The following PKIB variants were observed in gnomAD, a reference collection of about 807,000 sequenced individuals.
PKIB encodes the protein PKI-beta.
A neutral mutation model predicts 4.5 loss-of-function variants in PKIB; 2 were observed. The observed-to-expected ratio is 0.44, with a 90% CI of 0.18 to 1.39. The LOEUF is 1.39. PKIB is among the 40% of genes most tolerant of loss of function. The pLI is 0.27. For missense variants in PKIB, 94 were observed against 92.6 expected (o/e 1.02, Z -0.06); for synonymous variants, 38 against 36.0 (o/e 1.06, Z -0.20).
intron 3 of PKIB, among the ~76,000 whole-genome samples, chr6:122,715,803 T>C (rs1779467947): frequency 6.6e-6 from 1 of 152,052 alleles, no homozygotes; most frequent in Non-Finnish European, 1.5e-5. Context: ...ATGTGCATTA[T>C]GGGGATTTGA....
intron 3 of PKIB, among the ~76,000 whole-genome samples, chr6:122,603,413 A>AT (rs1286286466): frequency 6.6e-6 from 1 of 152,220 alleles, no homozygotes; most frequent in East Asian, 1.9e-4. Flanking sequence ...CCAATCTTAG[A>AT]TTTTATGTAT....
At chr6:122,552,686 G>A (rs183793773) in intron 2 of PKIB, among the ~76,000 whole-genome samples, 23 of 152,248 alleles carry the variant, frequency 1.5e-4, no homozygotes, top group African/African-American at 5.5e-4. Context: ...CCCATCTCAG[G>A]CAGTTCTAAA....
chr6:122,571,014 T>G (rs1281859152), intron 2 of PKIB, among the ~76,000 whole-genome samples: 1 of 151,170 alleles, frequency 6.6e-6, no homozygotes, highest in African/African-American at 2.4e-5. Flanking sequence ...ATTCAGGATA[T>G]GAATGAAAAA....
At chr6:122,621,537 G>A (rs1775227932) in intron 1 of PKIB, among the ~76,000 whole-genome samples, 1 of 152,164 alleles carries the variant, frequency 6.6e-6, no homozygotes, top group East Asian at 1.9e-4. Context: ...TCTCTGTAGA[G>A]GTGATGCTAT....
rs201099864 is a variant in PKIB at position 122,475,785 on chromosome 6, C to CA, written c.-336-2058dup. ...TGGGTGACAGAGTGAGACTCTGTCT[C>CA]AAAAAAAACAAGTAAAAATAAATAA... is the stretch of plus-strand genomic sequence containing the variant. On this transcript the variant is annotated intron_variant, in intron 1 of 6. Transcript: ENST00000392491. Among the ~76,000 whole-genome samples, 7 of 150,602 alleles carry CA rather than the reference C, an allele frequency of 4.6e-5. No homozygotes were observed. The East Asian group carries it at 9.7e-4, about 21-fold the overall frequency.
intron 2 of PKIB, among the ~76,000 whole-genome samples, chr6:122,651,973 T>C (rs1776572329): frequency 6.6e-6 from 1 of 152,138 alleles, no homozygotes; most frequent in Admixed American, 6.6e-5. Flanking sequence ...GTGGTGATAT[T>C]TGTGTTTCTC....
At chr6:122,617,901 T>C (rs1318655252) in intron 1 of PKIB, among the ~76,000 whole-genome samples, 1 of 152,178 alleles carries the variant, frequency 6.6e-6, no homozygotes, top group Admixed American at 6.5e-5. Flanking sequence ...TTTGTAAGGA[T>C]GTTTTTTACA....
intron 2 of PKIB, among the ~76,000 whole-genome samples, chr6:122,639,440 A>G (rs1776045403): frequency 6.6e-6 from 1 of 152,170 alleles, no homozygotes; most frequent in African/African-American, 2.4e-5. Context: ...TCATTCCGTA[A>G]GTGTTCTTTG....
chr6:122,719,246 GGA>G (rs923855869), intron 4 of PKIB, among the ~76,000 whole-genome samples: 1 of 152,054 alleles, frequency 6.6e-6, no homozygotes, highest in African/African-American at 2.4e-5. Flanking sequence ...ATACACTGTG[GGA>G]GAGTCAGCAG....
At chr6:122,722,464 A>G (rs1309166590) in intron 4 of PKIB, among the ~76,000 whole-genome samples, 1 of 152,198 alleles carries the variant, frequency 6.6e-6, no homozygotes. Context: ...AGGGGACTTC[A>G]TATCATCTTC....
chr6:122,642,094 A>G (rs1456368644), intron 2 of PKIB, among the ~76,000 whole-genome samples: 3 of 152,242 alleles, frequency 2.0e-5, no homozygotes, highest in African/African-American at 7.2e-5. Context: ...ACGGAAATAC[A>G]TAGCTATAGT....
intron 2 of PKIB, among the ~76,000 whole-genome samples, chr6:122,573,950 G>A (rs1773451021): frequency 6.6e-6 from 1 of 151,982 alleles, no homozygotes; most frequent in African/African-American, 2.4e-5. Flanking sequence ...ATAAATAAAG[G>A]GCATCCAAAC....
chr6:122,717,463 T>G (rs1779545690), intron 3 of PKIB: 1 of 368,974 alleles, frequency 2.7e-6, no homozygotes, highest in African/African-American at 2.1e-5. Flanking sequence ...TTTCATTTCC[T>G]TCCAAGCCCT....
intron 2 of PKIB, among the ~76,000 whole-genome samples, chr6:122,654,942 C>A (rs987333143): frequency 3.3e-5 from 5 of 152,030 alleles, no homozygotes; most frequent in Admixed American, 2.0e-4. Context: ...GTTTTCTCTC[C>A]TGCATTTCAG....
At chr6:122,495,589 C>T (rs1228381245) in intron 2 of PKIB, among the ~76,000 whole-genome samples, 1 of 152,056 alleles carries the variant, frequency 6.6e-6, no homozygotes, top group East Asian at 1.9e-4. Context: ...CACCTGGGGC[C>T]TCGGAACTGG....
chr6:122,716,387 C>T, intron 3 of PKIB, among the ~76,000 whole-genome samples: 1 of 152,142 alleles, frequency 6.6e-6, no homozygotes, highest in Admixed American at 6.6e-5. Context: ...GTGCTCTTTA[C>T]AGTACTCTAA....
intron 3 of PKIB, among the ~76,000 whole-genome samples, chr6:122,705,699 G>C (rs1446217507): frequency 6.6e-6 from 1 of 151,616 alleles, no homozygotes; most frequent in African/African-American, 2.4e-5. Flanking sequence ...CTAAGTAGCT[G>C]GGATTACAGG....
At chr6:122,489,977 G>A (rs1419788045) in intron 2 of PKIB, among the ~76,000 whole-genome samples, 3 of 152,124 alleles carry the variant, frequency 2.0e-5, no homozygotes, top group Admixed American at 2.0e-4. Flanking sequence ...TGCCCTTTCT[G>A]TGTATACAAA....
chr6:122,538,593 A>T (rs1174287109), intron 2 of PKIB, among the ~76,000 whole-genome samples: 2 of 152,046 alleles, frequency 1.3e-5, no homozygotes, highest in Non-Finnish European at 2.9e-5. Context: ...CTTGTAGTAT[A>T]GTTTGAAGTC....
Sources: gnomAD v4.1 joint callset for allele counts (sites outside exome capture counted in the v4.1 genomes callset) on GRCh38, gnomAD v4.1.1 for gene constraint, MANE v1.5 for transcripts, NCBI Gene and HGNC (gene_info 2026-07-23, HGNC 2026-07-21) for gene names.